Variants in HDAC9 observed in about 807,000 individuals in gnomAD.
HDAC9 encodes MEF-2 interacting transcription repressor (MITR) protein.
A neutral mutation model predicts 139.4 loss-of-function variants in HDAC9; 41 were observed. The observed-to-expected ratio is 0.29, with a 90% CI of 0.23 to 0.38. HDAC9 has a LOEUF of 0.38. Among genes scored for constraint, HDAC9 ranks in the 10% least tolerant of loss-of-function variants. HDAC9 has a pLI of 1.00. For missense variants in HDAC9, 1,147 were observed against 1,297.0 expected, an observed-to-expected ratio of 0.88 and a Z score of 1.78; for synonymous variants, 517 against 476.2, an observed-to-expected ratio of 1.09 and a Z score of -1.12.
At chr7:18,547,876 C>CCTCCCTCCCTCCCTCT (rs1554488922) in intron 2 of HDAC9, among the ~76,000 whole-genome samples, 1 of 131,954 alleles carries the variant, frequency 7.6e-6, no homozygotes, top group African/African-American at 2.8e-5. Context: ...TCCCTCCCTC[C>CCTCCCTCCCTCCCTCT]CTCCCTCTCT....
chr7:18,793,223 C>G (rs1224019826), intron 16 of HDAC9, 122 bp from the exon 17 acceptor site: 1 of 693,204 alleles, frequency 1.4e-6, no homozygotes, highest in African/African-American at 1.8e-5. Context: ...CCCTTCCTCA[C>G]AGATTTGCTT....
chr7:18,309,792 A>G (rs1799180750), intron 1 of HDAC9, among the ~76,000 whole-genome samples: 4 of 151,444 alleles, frequency 2.6e-5, no homozygotes, highest in African/African-American at 7.3e-5. Context: ...GACTTGGATG[A>G]AAAAAAAAGC....
intron 1 of HDAC9, among the ~76,000 whole-genome samples, chr7:18,291,725 T>C (rs1359427523): frequency 6.6e-6 from 1 of 152,162 alleles, no homozygotes; most frequent in Non-Finnish European, 1.5e-5. Flanking sequence ...CTCCTTGCTC[T>C]TGCTTTCCCC....
At chr7:18,796,564 A>C (rs1408119409) in intron 17 of HDAC9, among the ~76,000 whole-genome samples, 2 of 152,206 alleles carry the variant, frequency 1.3e-5, no homozygotes, top group African/African-American at 4.8e-5. Context: ...CAAGTTTTTA[A>C]ACAATACATT....
rs1229028367 is a variant in HDAC9, at chr7:19,000,507, C to G, written c.*4445C>G. On this transcript the variant is annotated 3_prime_UTR_variant, in exon 26 of 26. Transcript: ENST00000686413. Reference sequence around the variant, plus strand: ...ACTACATAACTTAGTTTCTCCAAATCAACTGCAGTCCGTTTTATCTATGAT... The same window carrying G: ...ACTACATAACTTAGTTTCTCCAAATGAACTGCAGTCCGTTTTATCTATGAT... 6.6e-6 allele frequency: 1 copy of G among 152,214 alleles called. No individual in the cohort carries two copies. Among genetic ancestry groups the G allele is most frequent in the Non-Finnish European group, 1.5e-5 (1 of 68,040 alleles). 9.4% of individuals were successfully genotyped at this position (152,214 alleles called of 1,614,324 possible).
intron 18 of HDAC9, 58 bp downstream of exon 18, chr7:18,829,274 C>T (rs975536261): frequency 7.3e-7 from 1 of 1,362,534 alleles, no homozygotes; most frequent in Non-Finnish European, 1.1e-6. Context: ...CGGTCACCTG[C>T]CCCGTGCATG....
chr7:18,292,666 A>G (rs1389153235), intron 1 of HDAC9, among the ~76,000 whole-genome samples: 1 of 152,156 alleles, frequency 6.6e-6, no homozygotes, highest in African/African-American at 2.4e-5. Flanking sequence ...TTTTGTTTTT[A>G]AGGCCATTTG....
intron 25 of HDAC9, among the ~76,000 whole-genome samples, chr7:18,980,340 T>C (rs1003439462): frequency 1.3e-5 from 2 of 152,180 alleles, no homozygotes; most frequent in African/African-American, 2.4e-5. Context: ...TAATTTAGCT[T>C]CCCATCTCAT....
At chr7:18,087,945 T>C (rs530312778) in intron 1 of HDAC9, 1 of 152,376 alleles carries the variant, frequency 6.6e-6, no homozygotes, top group South Asian at 2.1e-4. Context: ...CTGAGCTCTC[T>C]CCAGATCCGA....
At chr7:18,513,203 G>C (rs1408463732) in intron 2 of HDAC9, among the ~76,000 whole-genome samples, 1 of 152,188 alleles carries the variant, frequency 6.6e-6, no homozygotes, top group Admixed American at 6.5e-5. Context: ...GTAGGATCTT[G>C]CATTGTATAG....
At chr7:18,496,362 G>C (rs1477495810) in intron 2 of HDAC9, 38 bp downstream of exon 2, 9 of 1,577,020 alleles carry the variant, frequency 5.7e-6, no homozygotes, top group Non-Finnish European at 7.8e-6. Flanking sequence ...TTTTAGGTTT[G>C]AAAGGGGGCT....
At chr7:18,343,949 G>A (rs1428288157) in intron 1 of HDAC9, among the ~76,000 whole-genome samples, 2 of 151,834 alleles carry the variant, frequency 1.3e-5, no homozygotes, top group Non-Finnish European at 2.9e-5. Context: ...AAATAGTTTA[G>A]TAAACCCTTA....
chr7:18,540,924 A>G (rs1023608449), intron 2 of HDAC9, among the ~76,000 whole-genome samples: 1 of 152,146 alleles, frequency 6.6e-6, no homozygotes, highest in Admixed American at 6.5e-5. Flanking sequence ...GATAGATACT[A>G]TTATTTCCCC....
At chr7:18,720,007 A>T (rs934801718) in intron 12 of HDAC9, among the ~76,000 whole-genome samples, 5 of 152,200 alleles carry the variant, frequency 3.3e-5, no homozygotes, top group Non-Finnish European at 5.9e-5. Flanking sequence ...CTACATGTCT[A>T]TCCTTAAGCA....
intron 1 of HDAC9, among the ~76,000 whole-genome samples, chr7:18,348,894 T>G (rs1782629529): frequency 6.6e-6 from 1 of 152,158 alleles, no homozygotes; most frequent in Non-Finnish European, 1.5e-5. Context: ...AGTTTAGGTA[T>G]TATGACTATT....
chr7:18,186,409 G>C (rs547940990), intron 2 of HDAC9, among the ~76,000 whole-genome samples: 28 of 152,368 alleles, frequency 1.8e-4, no homozygotes, highest in Non-Finnish European at 1.3e-4. Context: ...TGTGCCGCTG[G>C]CACCGGACTT....
intron 1 of HDAC9, among the ~76,000 whole-genome samples, chr7:18,322,708 C>T (rs1800120489): frequency 6.6e-6 from 1 of 152,158 alleles, no homozygotes; most frequent in African/African-American, 2.4e-5. Flanking sequence ...AGAAAGCAGA[C>T]AGTCATGGAT....
At chr7:18,255,322 C>A (rs1465878356) in intron 2 of HDAC9, among the ~76,000 whole-genome samples, 1 of 152,116 alleles carries the variant, frequency 6.6e-6, no homozygotes, top group Non-Finnish European at 1.5e-5. Context: ...GAGTGAGATT[C>A]TTTTTAGGTT....
intron 1 of HDAC9, among the ~76,000 whole-genome samples, chr7:18,349,722 G>A (rs1393414614): frequency 6.6e-6 from 1 of 151,718 alleles, no homozygotes; most frequent in African/African-American, 2.4e-5. Flanking sequence ...AAAAAATGTG[G>A]TGTTGTGTTT....
Sources: allele counts gnomAD v4.1 joint callset (sites outside exome capture counted in the v4.1 genomes callset), GRCh38; gene constraint gnomAD v4.1.1; transcripts MANE v1.5; gene names NCBI Gene and HGNC (gene_info 2026-07-23, HGNC 2026-07-21).